CFAP54: variants seen among roughly 807,000 people sequenced by gnomAD.
CFAP54 encodes cilia- and flagella-associated protein 54.
Under a neutral mutation model 370.4 loss-of-function variants are expected in CFAP54, and 290 were observed. The observed-to-expected ratio is 0.78, with a 90% confidence interval of 0.71 to 0.86. CFAP54 has a LOEUF of 0.86. CFAP54 is among the 40% of genes least tolerant of loss of function. The pLI is 0.00. For synonymous variants in CFAP54, 1,206 were observed against 1,236.5 expected (o/e 0.98, Z 0.52); for missense variants, 3,399 against 3,528.7 (o/e 0.96, Z 0.93).
chr12:96,668,573 C>A (rs1957106847), intron 39 of CFAP54, among the ~76,000 whole-genome samples: 2 of 152,192 alleles, frequency 1.3e-5, no homozygotes, highest in South Asian at 4.1e-4. Flanking sequence ...ATTCAATTAC[C>A]TTCCACTGGG....
intron 36 of CFAP54, 56 bp downstream of exon 36, chr12:96,651,871 G>A (rs1956862054): frequency 2.7e-6 from 3 of 1,099,174 alleles, no homozygotes; most frequent in African/African-American, 3.3e-5. Context: ...ATCGTACTGT[G>A]CATCTTGGTA....
chr12:96,679,567 C>T (rs778319221), intron 39 of CFAP54, 33 bp from the exon 40 acceptor site: 1 of 1,588,972 alleles, frequency 6.3e-7, no homozygotes, highest in South Asian at 1.2e-5. Flanking sequence ...TGCAGCATTT[C>T]ATCCCCAATA....
chr12:96,666,544 T>G (rs1238941585), intron 39 of CFAP54, among the ~76,000 whole-genome samples: 1 of 152,202 alleles, frequency 6.6e-6, no homozygotes, highest in Non-Finnish European at 1.5e-5. Context: ...AAGGCACATC[T>G]TACATGGCGG....
chr12:96,664,781 A>ATCTATC (rs1565934511), intron 39 of CFAP54, among the ~76,000 whole-genome samples: 2 of 25,928 alleles, frequency 7.7e-5, no homozygotes, highest in Admixed American at 4.2e-4. Context: ...CTATATCTAT[A>ATCTATC]TATATATATA....
In CFAP54 at chr12:96,718,630, A is replaced by C. The variant is rs1382239729; in HGVS notation, c.6804+108A>C. On this transcript the variant is annotated intron_variant, in intron 49 of 67. Transcript: ENST00000524981. The stretch of plus-strand genomic sequence containing the variant: ...TATGCTTGCTCTTGTGAGAGCAGTT[A>C]CCTTTTCTTGTGTAAGAATGGGTTG... 6 of 642,014 alleles carry C rather than the reference A, an allele frequency of 9.3e-6. No homozygotes were observed. In the East Asian group the frequency reaches 1.8e-4, roughly 19 times the overall value. The allele number at this position is 642,014 out of a possible 1,614,324, so 39.8% of individuals were successfully genotyped here.
intron 5 of CFAP54, among the ~76,000 whole-genome samples, chr12:96,514,046 C>T (rs373145157): frequency 8.5e-5 from 13 of 152,294 alleles, no homozygotes; most frequent in South Asian, 4.1e-4. Context: ...TTTTTGTCCA[C>T]GGGAGACATA....
intron 63 of CFAP54, among the ~76,000 whole-genome samples, chr12:96,807,459 C>G (rs149984347): frequency 5.3e-5 from 8 of 152,312 alleles, no homozygotes; most frequent in African/African-American, 1.9e-4. Context: ...TTCACTTATT[C>G]CTGGGCTATA....
chr12:96,674,001 A>C (rs1439983366), intron 39 of CFAP54, among the ~76,000 whole-genome samples: 1 of 152,214 alleles, frequency 6.6e-6, no homozygotes, highest in Non-Finnish European at 1.5e-5. Context: ...CCTGCTTGTT[A>C]AGCTCCATAG....
intron 50 of CFAP54, among the ~76,000 whole-genome samples, chr12:96,731,417 A>G (rs1421724363): frequency 5.3e-5 from 8 of 152,242 alleles, no homozygotes; most frequent in Non-Finnish European, 1.0e-4. Flanking sequence ...TGCTTTCTTC[A>G]TGGAATACCA....
At chr12:96,788,034 A>C (rs1958646425) in intron 62 of CFAP54, among the ~76,000 whole-genome samples, 1 of 151,612 alleles carries the variant, frequency 6.6e-6, no homozygotes, top group Non-Finnish European at 1.5e-5. Context: ...GTCCTGTCTC[A>C]GCCTCCCGAA....
At chr12:96,858,350 T>C (rs535766044) in intron 66 of CFAP54, among the ~76,000 whole-genome samples, 3 of 152,346 alleles carry the variant, frequency 2.0e-5, no homozygotes, top group East Asian at 3.9e-4. Context: ...ATTGTTTTTC[T>C]CTTGTAAATT....
intron 48 of CFAP54, among the ~76,000 whole-genome samples, chr12:96,717,981 G>A (rs1273204351): frequency 6.6e-6 from 1 of 152,078 alleles, no homozygotes; most frequent in Non-Finnish European, 1.5e-5. Context: ...CTATATTCCC[G>A]TGTTTCTATA....
chr12:96,851,672 G>A (rs1163808584), intron 66 of CFAP54, among the ~76,000 whole-genome samples: 4 of 151,850 alleles, frequency 2.6e-5, no homozygotes, highest in African/African-American at 4.8e-5. Context: ...TAAAATAGTG[G>A]CAAAATTATA....
At chr12:96,779,678 T>A (rs1261542863) in intron 60 of CFAP54, among the ~76,000 whole-genome samples, 1 of 149,052 alleles carries the variant, frequency 6.7e-6, no homozygotes, top group Non-Finnish European at 1.5e-5. Context: ...ATATATATAT[T>A]AATTATATAT....
intron 67 of CFAP54, among the ~76,000 whole-genome samples, chr12:96,866,325 T>C (rs555785647): frequency 6.6e-6 from 1 of 152,082 alleles, no homozygotes; most frequent in African/African-American, 2.4e-5. Context: ...AATTCATTAG[T>C]TAAAAAGCTG....
At position 96,690,991 on chromosome 12, in the gene CFAP54, G is replaced by A. The variant is rs781036634; in HGVS notation, c.6082-137G>A. 5.8e-6 allele frequency: 4 copies of A among 688,552 alleles called. No homozygotes were observed. The East Asian group carries it at 1.2e-4, about 20-fold the overall frequency. The allele number at this position is 688,552 out of a possible 1,614,324, so 42.7% of individuals were successfully genotyped here. A position where few individuals can be genotyped will look rare whatever the true frequency, so the allele number is the denominator to read the frequency against. On this transcript the variant is annotated intron_variant, in intron 43 of 67. Coordinates refer to ENST00000524981, the MANE Select transcript of CFAP54 (RefSeq NM_001306084.2). Reference sequence around the variant, plus strand: ...GTAATGATGATAATATAAATGATAAGTACCATTTATTACAAAGTACAGTGT... The same window carrying A: ...GTAATGATGATAATATAAATGATAAATACCATTTATTACAAAGTACAGTGT...
chr12:96,502,278 C>T (rs996789858), intron 2 of CFAP54, among the ~76,000 whole-genome samples: 1 of 151,160 alleles, frequency 6.6e-6, no homozygotes, highest in African/African-American at 2.4e-5. Flanking sequence ...GTTGGCCAGG[C>T]TGGGCATGGT....
chr12:96,543,065 T>A (rs545708627), intron 14 of CFAP54, among the ~76,000 whole-genome samples: 1 of 152,376 alleles, frequency 6.6e-6, no homozygotes, highest in East Asian at 1.9e-4. Context: ...TTAAGAAGAA[T>A]TCTTGCCACT....
chr12:96,641,171 C>T (rs1271216632), intron 32 of CFAP54, among the ~76,000 whole-genome samples: 1 of 152,182 alleles, frequency 6.6e-6, no homozygotes, highest in Non-Finnish European at 1.5e-5. Flanking sequence ...TTTTTGCAAT[C>T]TATCCATCTG....
Sources: gnomAD v4.1 joint callset for allele counts (sites outside exome capture counted in the v4.1 genomes callset) on GRCh38, gnomAD v4.1.1 for gene constraint, MANE v1.5 for transcripts, NCBI Gene and HGNC (gene_info 2026-07-23, HGNC 2026-07-21) for gene names.